The following ZNF585B variants were observed in gnomAD, a reference collection of about 807,000 sequenced individuals.
ZNF585B encodes zinc finger protein 585B, also known as zinc finger protein 41-like protein.
A neutral mutation model predicts 14.0 loss-of-function variants in ZNF585B; 7 were observed. The observed-to-expected ratio is 0.50, with a 90% CI of 0.28 to 0.94. The LOEUF is 0.94. Ranked by LOEUF, ZNF585B falls within the 40% of genes least tolerant of loss-of-function variation. The pLI, the probability that ZNF585B is intolerant of heterozygous loss-of-function variation, is 0.09. For missense variants in ZNF585B, 750 were observed against 924.4 expected (o/e 0.81, Z 2.45); for synonymous variants, 290 against 317.3 (o/e 0.91, Z 0.91).
intron 2 of ZNF585B, among the ~76,000 whole-genome samples, chr19:37,204,117 A>C (rs1265975451): frequency 6.6e-6 from 1 of 152,206 alleles, no homozygotes; most frequent in Non-Finnish European, 1.5e-5. Context: ...TACATTATTA[A>C]TTAAAAAAAT....
chr19:37,207,196 G>C lies in ZNF585B; in HGVS notation c.-85C>G. 6.3e-7 allele frequency: 1 copy of C among 1,589,650 alleles called. No individual in the cohort carries two copies. The highest frequency in any genetic ancestry group is 1.1e-5 in the South Asian group (1 of 89,410). Reference sequence around the variant, plus strand: ...GAACTCAGCAGAGCTGCTCCGAAGAGGTGGGCTGGAGTCTGGAGGAAGGTC... The same window carrying C: ...GAACTCAGCAGAGCTGCTCCGAAGACGTGGGCTGGAGTCTGGAGGAAGGTC... On this transcript the variant is annotated 5_prime_UTR_variant, in exon 2 of 5. Coordinates refer to ENST00000532828, the MANE Select transcript of ZNF585B (RefSeq NM_152279.4).
chr19:37,202,421 G>T (rs1227127680), intron 2 of ZNF585B, among the ~76,000 whole-genome samples: 2 of 152,188 alleles, frequency 1.3e-5, no homozygotes, highest in East Asian at 3.8e-4. Flanking sequence ...CTGAAACAAG[G>T]TTGAGAATAA....
At chr19:37,204,060 T>C (rs550626544) in intron 2 of ZNF585B, among the ~76,000 whole-genome samples, 30 of 152,370 alleles carry the variant, frequency 2.0e-4, no homozygotes, top group African/African-American at 5.3e-4. Flanking sequence ...ATGGCCAATA[T>C]TGCATTTAAT....
chr19:37,202,639 GGT>G (rs1568511455), intron 2 of ZNF585B, among the ~76,000 whole-genome samples: 3 of 142,170 alleles, frequency 2.1e-5, no homozygotes, highest in East Asian at 2.0e-4. Context: ...ATATTTGCAT[GGT>G]TTTTTTTTTT....
At position 37,185,354 on chromosome 19, in the gene ZNF585B, C is replaced by T; in HGVS notation, c.2183G>A (p.Ser728Asn). ...ATGTTTATTCAAATTGGACCTGTTG[C>T]TAAAGGCCTTCCCACACTCAGCACA... is the stretch of plus-strand genomic sequence containing the variant. ...YVCAECGKAF[S>N]NRSNLNKHQT... The change falls in exon 5 of 5, where the codon AGC becomes AAC. Residue 728 changes from serine to asparagine, a missense_variant. Transcript: ENST00000532828. The T allele has an allele frequency of 1.2e-6, 2 of 1,613,908 alleles. No homozygotes were observed. Among genetic ancestry groups the T allele is most frequent in the South Asian group, 1.1e-5 (1 of 91,074 alleles).
chr19:37,200,287 C>T (rs1972517231), intron 2 of ZNF585B, among the ~76,000 whole-genome samples: 1 of 151,786 alleles, frequency 6.6e-6, no homozygotes, highest in African/African-American at 2.4e-5. Flanking sequence ...CACGGTGGCT[C>T]ACGCCTCTAA....
At chr19:37,207,299 A>C in intron 1 of ZNF585B, 45 bp from the exon 2 acceptor site, 1 of 1,377,156 alleles carries the variant, frequency 7.3e-7, no homozygotes, top group Non-Finnish European at 9.5e-7. Context: ...TCACTACATA[A>C]ACACTTCCTG....
At chr19:37,202,144 A>T (rs1972537022) in intron 2 of ZNF585B, among the ~76,000 whole-genome samples, 1 of 152,038 alleles carries the variant, frequency 6.6e-6, no homozygotes, top group Admixed American at 6.6e-5. Context: ...GCCTACCAGT[A>T]GCTGGGATTA....
chr19:37,206,717 T>C (rs909903031), intron 2 of ZNF585B, among the ~76,000 whole-genome samples: 2 of 152,102 alleles, frequency 1.3e-5, no homozygotes, highest in African/African-American at 4.8e-5. Flanking sequence ...AATGAAAAAA[T>C]GCTTTCAAAA....
At chr19:37,196,815 A>G (rs1271298171) in intron 2 of ZNF585B, among the ~76,000 whole-genome samples, 1 of 152,214 alleles carries the variant, frequency 6.6e-6, no homozygotes, top group Admixed American at 6.5e-5. Context: ...TACAAAATAC[A>G]TGTTAACCAA....
At chr19:37,207,788 T>C (rs544131343) in intron 1 of ZNF585B, among the ~76,000 whole-genome samples, 24 of 152,304 alleles carry the variant, frequency 1.6e-4, no homozygotes, top group African/African-American at 5.5e-4. Flanking sequence ...TATTAAAACG[T>C]AATACAGAAA....
chr19:37,194,625 A>T (rs374250620), intron 2 of ZNF585B, among the ~76,000 whole-genome samples: 1 of 152,200 alleles, frequency 6.6e-6, no homozygotes, highest in Non-Finnish European at 1.5e-5. Flanking sequence ...AAAACAAACA[A>T]ACAAACAAAG....
At chr19:37,208,372 T>A (rs1972609424) in intron 1 of ZNF585B, among the ~76,000 whole-genome samples, 1 of 152,130 alleles carries the variant, frequency 6.6e-6, no homozygotes, top group South Asian at 2.1e-4. Flanking sequence ...TCAGACTATA[T>A]ATTTGTATAG....
chr19:37,187,131 C>T lies in ZNF585B; in HGVS notation c.406G>A (p.Gly136Arg). ...TGTGACTTCCAGGTGAAGCTCTTTC[C>T]AAATTCAGCACACTCATAGGATTTT... ...GEKSYECAEF[G>R]KSFTWKSQFK... The change falls in exon 5 of 5, where the codon GGA (glycine) becomes AGA (arginine). Residue 136 changes from glycine to arginine, a missense_variant. Gly to Arg is a moderately radical substitution (Grantham distance 125). Coordinates refer to ENST00000532828, the MANE Select transcript of ZNF585B (RefSeq NM_152279.4). 1 of 1,614,048 alleles carries T rather than the reference C, an allele frequency of 6.2e-7. No homozygotes were observed. The highest frequency in any genetic ancestry group is 8.5e-7 in the Non-Finnish European group (1 of 1,180,010).
At chr19:37,204,127 T>C (rs1230531924) in intron 2 of ZNF585B, among the ~76,000 whole-genome samples, 2 of 152,350 alleles carry the variant, frequency 1.3e-5, no homozygotes, top group African/African-American at 2.4e-5. Flanking sequence ...ATTAAAAAAA[T>C]GCTAATAATT....
At chr19:37,188,463 G>A (rs1972364223) in intron 4 of ZNF585B, among the ~76,000 whole-genome samples, 1 of 151,916 alleles carries the variant, frequency 6.6e-6, no homozygotes, top group Non-Finnish European at 1.5e-5. Flanking sequence ...TCCAGCCTGG[G>A]CAACAAGAGT....
rs1972343995 is a variant in ZNF585B, at chr19:37,186,985, C to T, written c.552G>A (p.Lys184=). The T allele has an allele frequency of 1.9e-6, 3 of 1,613,716 alleles. No homozygotes were observed. The highest frequency in any genetic ancestry group is 1.1e-5 in the South Asian group (1 of 90,984). ...ITHQKTHMRE[K]PYKCNECGKS... ...TTCCACATTCATTGCACTTATAGGG[C>T]TTCTCTCTCATATGGGTTTTCTGAT... Residue 184 remains lysine, a synonymous_variant, in exon 5 of 5, where the codon AAG becomes AAA. Coordinates refer to ENST00000532828, the MANE Select transcript of ZNF585B (RefSeq NM_152279.4).
At chr19:37,192,577 G>A (rs1351803657) in intron 2 of ZNF585B, among the ~76,000 whole-genome samples, 2 of 151,834 alleles carry the variant, frequency 1.3e-5, no homozygotes, top group East Asian at 1.9e-4. Context: ...TTGGGAGGCC[G>A]GGGCAGGTGG....
chr19:37,200,145 T>C (rs1292838345), intron 2 of ZNF585B, among the ~76,000 whole-genome samples: 3 of 151,970 alleles, frequency 2.0e-5, no homozygotes, highest in African/African-American at 7.2e-5. Flanking sequence ...GCTAAGAATG[T>C]GGTTATGTAA....
Sources: allele counts gnomAD v4.1 joint callset (sites outside exome capture counted in the v4.1 genomes callset), GRCh38; gene constraint gnomAD v4.1.1; transcripts MANE v1.5; gene names NCBI Gene and HGNC (gene_info 2026-07-23, HGNC 2026-07-21).